Variants in CHRM3 observed in about 807,000 individuals in gnomAD.
CHRM3 encodes the protein muscarinic acetylcholine receptor M3.
A neutral mutation model predicts 41.8 loss-of-function variants in CHRM3; 11 were observed. That is an observed-to-expected ratio of 0.26 (90% CI 0.17 to 0.44). The LOEUF (loss-of-function observed/expected upper bound fraction) is 0.44. Ranked by LOEUF, CHRM3 falls within the 20% of genes least tolerant of loss-of-function variation. The probability of loss-of-function intolerance (pLI) is 1.00; values close to 1 mark genes in which losing one functional copy is unlikely to be tolerated. For synonymous variants in CHRM3, 297 were observed against 301.4 expected, an observed-to-expected ratio of 0.99 and a Z score of 0.15; for missense variants, 571 against 745.4, an observed-to-expected ratio of 0.77 and a Z score of 2.72.
chr1:239,807,122 T>C (rs1358008186), intron 5 of CHRM3, among the ~76,000 whole-genome samples: 1 of 152,258 alleles, frequency 6.6e-6, no homozygotes, highest in Non-Finnish European at 1.5e-5. Flanking sequence ...TTCTGCAGGT[T>C]TTGATTGTGA....
At chr1:239,398,309 C>T (rs1306923544) in intron 1 of CHRM3, among the ~76,000 whole-genome samples, 1 of 152,140 alleles carries the variant, frequency 6.6e-6, no homozygotes, top group South Asian at 2.1e-4. Flanking sequence ...GATCTTGGCC[C>T]ACTGCAACGT....
At chr1:239,431,935 G>A (rs1662865895) in intron 1 of CHRM3, among the ~76,000 whole-genome samples, 1 of 152,108 alleles carries the variant, frequency 6.6e-6, no homozygotes, top group Non-Finnish European at 1.5e-5. Flanking sequence ...TACAACCCCA[G>A]TAATCCCCTG....
At chr1:239,732,718 TAG>T (rs1664054932) in intron 5 of CHRM3, among the ~76,000 whole-genome samples, 1 of 15,402 alleles carries the variant, frequency 6.5e-5, no homozygotes, top group Non-Finnish European at 1.5e-4. Flanking sequence ...ATATCTCATT[TAG>T]ATAAGTATAC....
chr1:239,832,004 G>A (rs1426233327), intron 6 of CHRM3, among the ~76,000 whole-genome samples: 1 of 152,188 alleles, frequency 6.6e-6, no homozygotes, highest in Non-Finnish European at 1.5e-5. Context: ...TTTTGCCTCA[G>A]TTGTCATGCT....
rs564808925 is a variant in CHRM3, at chr1:239,879,437, T to A, written c.-19-27996T>A. The stretch of plus-strand genomic sequence containing the variant: ...TTCCAGGTTTTATCAGTCTGGTATT[T>A]ATATCCATGTGTTAGCTCAGAAGCC... On this transcript the variant is annotated intron_variant, in intron 6 of 6. Transcript: ENST00000676153. 3.9e-5 allele frequency among the ~76,000 whole-genome samples: 6 copies of A among 152,014 alleles called. No homozygotes were observed. In the East Asian group the frequency reaches 1.2e-3, roughly 29 times the overall value.
At chr1:239,623,301 C>T (rs909671737) in intron 3 of CHRM3, among the ~76,000 whole-genome samples, 2 of 143,376 alleles carry the variant, frequency 1.4e-5, no homozygotes, top group African/African-American at 2.6e-5. Context: ...TGTGATGTTC[C>T]CCTTCCTGTG....
intron 2 of CHRM3, among the ~76,000 whole-genome samples, chr1:239,542,651 A>G (rs906699656): frequency 3.3e-5 from 5 of 152,184 alleles, no homozygotes; most frequent in African/African-American, 9.7e-5. Flanking sequence ...TGTAGCAAGA[A>G]TATATCAGAG....
intron 6 of CHRM3, among the ~76,000 whole-genome samples, chr1:239,835,356 T>C (rs906975424): frequency 6.6e-6 from 1 of 152,216 alleles, no homozygotes; most frequent in Admixed American, 6.5e-5. Flanking sequence ...ATGAATCTTT[T>C]ATAGATTTTT....
intron 6 of CHRM3, chr1:239,898,261 A>G (rs767223681): frequency 6.6e-6 from 1 of 152,236 alleles, no homozygotes; most frequent in African/African-American, 2.4e-5. Flanking sequence ...GGTCACCAGC[A>G]TGGGGAACGG....
At chr1:239,442,084 G>A (rs1663767762) in intron 1 of CHRM3, among the ~76,000 whole-genome samples, 1 of 151,982 alleles carries the variant, frequency 6.6e-6, no homozygotes, top group Non-Finnish European at 1.5e-5. Context: ...CCACAGCAGG[G>A]TTCAGCGTCA....
chr1:239,619,319 G>A lies in CHRM3; in HGVS notation c.-312-12905G>A, dbSNP rs140480859. On this transcript the variant is annotated intron_variant, in intron 3 of 6. Transcript: ENST00000676153. ...ATGAAAAGACCAAGGCCCTGAGTCTGGACTGCCTGAAGTCCACACTCAGCC... is the reference window on the plus strand; with the variant it reads ...ATGAAAAGACCAAGGCCCTGAGTCTAGACTGCCTGAAGTCCACACTCAGCC... Among the ~76,000 whole-genome samples the A allele has an allele frequency of 2.9e-3, 438 of 152,260 alleles. 1 individual carries two copies. The highest frequency in any genetic ancestry group is 0.01 in the African/African-American group (421 of 41,522).
intron 5 of CHRM3, among the ~76,000 whole-genome samples, chr1:239,760,037 C>T (rs1413321702): frequency 6.6e-6 from 1 of 151,882 alleles, no homozygotes; most frequent in Non-Finnish European, 1.5e-5. Context: ...GCCTCAGCCT[C>T]CCGAGTAGCT....
intron 4 of CHRM3, among the ~76,000 whole-genome samples, chr1:239,669,269 A>G (rs1674124177): frequency 6.6e-6 from 1 of 152,074 alleles, no homozygotes; most frequent in African/African-American, 2.4e-5. Context: ...AACTTTTTAT[A>G]CGCTCCTTTC....
At chr1:239,460,530 T>C (rs1045023855) in intron 1 of CHRM3, among the ~76,000 whole-genome samples, 2 of 152,180 alleles carry the variant, frequency 1.3e-5, no homozygotes, top group Middle Eastern at 3.2e-3. Flanking sequence ...TTCTCCTCTT[T>C]CTATATTATT....
intron 6 of CHRM3, among the ~76,000 whole-genome samples, chr1:239,885,226 A>T (rs558543585): frequency 6.6e-6 from 1 of 152,334 alleles, no homozygotes; most frequent in South Asian, 2.1e-4. Flanking sequence ...AAAACATGTG[A>T]TAGTCCTCTA....
intron 1 of CHRM3, among the ~76,000 whole-genome samples, chr1:239,463,655 A>C (rs1665516115): frequency 6.6e-6 from 1 of 152,178 alleles, no homozygotes; most frequent in Admixed American, 6.5e-5. Flanking sequence ...ATTAACTGTT[A>C]ACATTTAGGT....
chr1:239,477,171 G>A (rs916176500), intron 1 of CHRM3, among the ~76,000 whole-genome samples: 1 of 152,162 alleles, frequency 6.6e-6, no homozygotes, highest in African/African-American at 2.4e-5. Context: ...GGTTAAATAT[G>A]TGACTCAACC....
intron 2 of CHRM3, among the ~76,000 whole-genome samples, chr1:239,539,247 T>C (rs1295081097): frequency 2.0e-5 from 3 of 149,698 alleles, no homozygotes; most frequent in African/African-American, 7.3e-5. Context: ...ATTCTTTCAA[T>C]TTTTTTGGCC....
chr1:239,425,370 A>G (rs888511596), intron 1 of CHRM3, among the ~76,000 whole-genome samples: 5 of 152,074 alleles, frequency 3.3e-5, no homozygotes, highest in Admixed American at 3.3e-4. Context: ...GCTTTATATC[A>G]AGTACTCCTG....
Sources: allele counts gnomAD v4.1 joint callset (sites outside exome capture counted in the v4.1 genomes callset), GRCh38; gene constraint gnomAD v4.1.1; transcripts MANE v1.5; gene names NCBI Gene and HGNC (gene_info 2026-07-23, HGNC 2026-07-21).